The following KCNIP4 variants were observed in gnomAD, a reference collection of about 807,000 sequenced individuals.
The protein encoded by KCNIP4 is potassium voltage-gated channel interacting protein 4, also known as Kv channel-interacting protein 4.
Under a neutral mutation model 34.0 loss-of-function variants are expected in KCNIP4, and 12 were observed. The ratio of observed to expected loss-of-function variants is 0.35; its 90% CI spans 0.23 to 0.57. KCNIP4 has a LOEUF of 0.57. Among genes scored for constraint, KCNIP4 ranks in the 20% least tolerant of loss-of-function variants. KCNIP4 has a pLI of 0.83. For missense variants in KCNIP4, 238 were observed against 311.7 expected (o/e 0.76, Z 1.78); for synonymous variants, 124 against 102.2 (o/e 1.21, Z -1.29).
chr4:21,477,425 T>G (rs1228615660), intron 1 of KCNIP4, among the ~76,000 whole-genome samples: 1 of 152,144 alleles, frequency 6.6e-6, no homozygotes, highest in Non-Finnish European at 1.5e-5. Context: ...TCACTGTCTT[T>G]TCTGGATTCT....
chr4:21,768,795 T>C (rs764868995), intron 1 of KCNIP4, among the ~76,000 whole-genome samples: 1 of 152,124 alleles, frequency 6.6e-6, no homozygotes, highest in South Asian at 2.1e-4. Context: ...CCAGAGATAA[T>C]CTCTGGTATA....
intron 1 of KCNIP4, among the ~76,000 whole-genome samples, chr4:21,216,374 A>G (rs1358176210): frequency 1.3e-5 from 2 of 152,188 alleles, no homozygotes; most frequent in Non-Finnish European, 2.9e-5. Flanking sequence ...GTTTAATTCA[A>G]TATTTCCTAA....
chr4:21,575,684 T>TCGTGCAA (rs1740698359), intron 1 of KCNIP4, among the ~76,000 whole-genome samples: 1 of 152,204 alleles, frequency 6.6e-6, no homozygotes, highest in Non-Finnish European at 1.5e-5. Flanking sequence ...TCTCAAATAT[T>TCGTGCAA]TAAATCACAT....
chr4:20,984,628 C>T (rs1460690251), intron 1 of KCNIP4, among the ~76,000 whole-genome samples: 4 of 152,198 alleles, frequency 2.6e-5, no homozygotes, highest in Non-Finnish European at 4.4e-5. Flanking sequence ...TCCCCCGCCA[C>T]GCCACTCCTT....
chr4:21,214,791 T>C (rs1757447238), intron 1 of KCNIP4, among the ~76,000 whole-genome samples: 1 of 152,184 alleles, frequency 6.6e-6, no homozygotes, highest in African/African-American at 2.4e-5. Context: ...TTATTATCAG[T>C]CTGTTTCATA....
At chr4:21,063,378 G>T (rs931428321) in intron 1 of KCNIP4, among the ~76,000 whole-genome samples, 2 of 152,130 alleles carry the variant, frequency 1.3e-5, no homozygotes, top group Non-Finnish European at 2.9e-5. Flanking sequence ...TGCCATTTGG[G>T]GTTAGGGGAG....
intron 1 of KCNIP4, among the ~76,000 whole-genome samples, chr4:21,519,253 T>C (rs1488517458): frequency 6.6e-6 from 1 of 151,604 alleles, no homozygotes; most frequent in African/African-American, 2.4e-5. Flanking sequence ...CATGTGAGGA[T>C]ACCTTGAGAA....
chr4:21,889,511 T>C (rs1158715957), intron 1 of KCNIP4, among the ~76,000 whole-genome samples: 1 of 152,078 alleles, frequency 6.6e-6, no homozygotes, highest in African/African-American at 2.4e-5. Flanking sequence ...CAAATGTAGA[T>C]CAACCATGCA....
chr4:21,928,124 A>G, intron 1 of KCNIP4, among the ~76,000 whole-genome samples: 1 of 117,022 alleles, frequency 8.5e-6, no homozygotes, highest in Non-Finnish European at 1.6e-5. Flanking sequence ...ATATATATAT[A>G]TATACACACA....
intron 1 of KCNIP4, among the ~76,000 whole-genome samples, chr4:20,999,182 G>A (rs1737834645): frequency 1.3e-5 from 2 of 152,128 alleles, no homozygotes; most frequent in South Asian, 4.1e-4. Context: ...GTTACTTATA[G>A]AGCAAACAGT....
chr4:20,911,656 TG>T, intron 1 of KCNIP4, among the ~76,000 whole-genome samples: 1 of 152,328 alleles, frequency 6.6e-6, no homozygotes, highest in Non-Finnish European at 1.5e-5. Flanking sequence ...AGGGATTAAC[TG>T]GGGGTTTACT....
chr4:21,308,542 C>T (rs1712747811), intron 1 of KCNIP4, among the ~76,000 whole-genome samples: 1 of 152,182 alleles, frequency 6.6e-6, no homozygotes, highest in Admixed American at 6.5e-5. Context: ...ATGGTCATAA[C>T]ATTTTCCCAT....
At chr4:21,109,540 C>A (rs936700700) in intron 1 of KCNIP4, among the ~76,000 whole-genome samples, 1 of 152,188 alleles carries the variant, frequency 6.6e-6, no homozygotes, top group Admixed American at 6.5e-5. Flanking sequence ...AATTCCCTGA[C>A]CCCTTGCGCT....
intron 1 of KCNIP4, among the ~76,000 whole-genome samples, chr4:21,458,731 G>A (rs1729183981): frequency 6.6e-6 from 1 of 152,026 alleles, no homozygotes; most frequent in Non-Finnish European, 1.5e-5. Flanking sequence ...ACAGCCAACT[G>A]ATTCTTGTTG....
intron 1 of KCNIP4, among the ~76,000 whole-genome samples, chr4:21,761,429 A>G (rs2109169647): frequency 6.6e-6 from 1 of 152,280 alleles, no homozygotes; most frequent in African/African-American, 2.4e-5. Flanking sequence ...ATTATTCAAA[A>G]TTTGATTAAA....
At chr4:21,697,765 AG>A (rs1460956836) in intron 1 of KCNIP4, 6 of 781,004 alleles carry the variant, frequency 7.7e-6, no homozygotes, top group Non-Finnish European at 9.8e-6. Context: ...TCCCCTCTCC[AG>A]AAGCAGTTGC....
In KCNIP4 at chr4:21,791,758, T is replaced by A. The variant is rs570770562; in HGVS notation, c.61+156813A>T. 3.3e-5 allele frequency among the ~76,000 whole-genome samples: 5 copies of A among 152,034 alleles called. No individual in the cohort carries two copies. The East Asian group carries it at 9.7e-4, about 29-fold the overall frequency. ...CTCTCATGCCTGTAATCCCAGCACT[T>A]TGGGAGGCCGAGGTGGGCGGATCAC... On this transcript the variant is annotated intron_variant, in intron 1 of 8. Transcript: ENST00000382152.
chr4:20,867,207 C>A (rs1722962645), intron 2 of KCNIP4, among the ~76,000 whole-genome samples: 1 of 151,854 alleles, frequency 6.6e-6, no homozygotes, highest in Non-Finnish European at 1.5e-5. Flanking sequence ...CCAAAGCAAT[C>A]CTATAAGCAA....
intron 1 of KCNIP4, among the ~76,000 whole-genome samples, chr4:21,885,607 T>C (rs981917738): frequency 6.6e-6 from 1 of 152,064 alleles, no homozygotes; most frequent in Non-Finnish European, 1.5e-5. Context: ...CAAATCTCCT[T>C]AACAAATGCA....
Sources: gnomAD v4.1 joint callset for allele counts (sites outside exome capture counted in the v4.1 genomes callset) on GRCh38, gnomAD v4.1.1 for gene constraint, MANE v1.5 for transcripts, NCBI Gene and HGNC (gene_info 2026-07-23, HGNC 2026-07-21) for gene names.